Variants in SORCS1 observed in about 807,000 individuals in gnomAD.
SORCS1 encodes sortilin related VPS10 domain containing receptor 1.
Under a neutral mutation model 146.1 loss-of-function variants are expected in SORCS1, and 60 were observed. The observed-to-expected ratio is 0.41, with a 90% CI of 0.33 to 0.51. The LOEUF (loss-of-function observed/expected upper bound fraction) is 0.51. Among genes scored for constraint, SORCS1 ranks in the 20% least tolerant of loss-of-function variants. The pLI, the probability that SORCS1 is intolerant of heterozygous loss-of-function variation, is 0.21. For synonymous variants in SORCS1, 637 were observed against 584.0 expected, an observed-to-expected ratio of 1.09 and a Z score of -1.31; for missense variants, 1,352 against 1,487.6, an observed-to-expected ratio of 0.91 and a Z score of 1.50.
intron 24 of SORCS1, among the ~76,000 whole-genome samples, chr10:106,581,752 C>T (rs1844930146): frequency 6.6e-6 from 1 of 152,086 alleles, no homozygotes. Context: ...ATAATTTAAC[C>T]ACCTATAACT....
rs140149535 is a variant in SORCS1 at position 106,634,216 on chromosome 10, G to A, written c.2476-4828C>T. 3.9e-4 allele frequency among the ~76,000 whole-genome samples: 59 copies of A among 152,248 alleles called. No individual in the cohort carries two copies. The East Asian group carries it at 0.011, about 28-fold the overall frequency. Reference sequence around the variant, plus strand: ...AAAATGAGTTGCTGGGTGGTACTAGGGTAGACTGTGTCAACTCCGGCGGGG... The same window carrying A: ...AAAATGAGTTGCTGGGTGGTACTAGAGTAGACTGTGTCAACTCCGGCGGGG... On this transcript the variant is annotated intron_variant, in intron 18 of 25. Transcript: ENST00000263054.
At chr10:107,029,162 T>C (rs1165847575) in intron 1 of SORCS1, among the ~76,000 whole-genome samples, 1 of 152,206 alleles carries the variant, frequency 6.6e-6, no homozygotes, top group Non-Finnish European at 1.5e-5. Context: ...CAATCAATAG[T>C]TATACTTCCA....
chr10:106,713,629 G>T (rs1344858200), intron 6 of SORCS1, among the ~76,000 whole-genome samples: 1 of 152,218 alleles, frequency 6.6e-6, no homozygotes, highest in Non-Finnish European at 1.5e-5. Flanking sequence ...AGCACGTTTA[G>T]TCTTCACAAC....
chr10:106,985,788 G>C (rs1056704186), intron 1 of SORCS1, among the ~76,000 whole-genome samples: 2 of 151,804 alleles, frequency 1.3e-5, no homozygotes, highest in African/African-American at 4.8e-5. Flanking sequence ...TCCTGCCTTG[G>C]TCTCCCAAAG....
chr10:106,709,195 AC>A (rs778494009), intron 7 of SORCS1, 27 bp downstream of exon 7: 1 of 1,538,920 alleles, frequency 6.5e-7, no homozygotes, highest in Non-Finnish European at 9.0e-7. Context: ...GGTTTCTGAG[AC>A]AATCAACAGA....
intron 2 of SORCS1, among the ~76,000 whole-genome samples, chr10:106,953,327 T>A (rs1049594903): frequency 8.5e-5 from 13 of 152,308 alleles, no homozygotes; most frequent in African/African-American, 2.6e-4. Context: ...CTCCTTGGTA[T>A]ATTTAAAATC....
intron 24 of SORCS1, among the ~76,000 whole-genome samples, chr10:106,584,050 T>G (rs952293666): frequency 5.3e-5 from 8 of 152,220 alleles, no homozygotes; most frequent in Admixed American, 4.6e-4. Context: ...TTACCATACC[T>G]TGATATTCTT....
chr10:106,597,698 T>A (rs1474746902), intron 23 of SORCS1, among the ~76,000 whole-genome samples: 1 of 152,214 alleles, frequency 6.6e-6, no homozygotes, highest in East Asian at 1.9e-4. Context: ...ATAATTATAC[T>A]CTTTAAAAAT....
chr10:106,940,894 T>C (rs1300862113), intron 2 of SORCS1, among the ~76,000 whole-genome samples: 4 of 151,896 alleles, frequency 2.6e-5, no homozygotes, highest in South Asian at 2.1e-4. Context: ...CAAAAAATAA[T>C]AATAAAAAAA....
At chr10:106,815,196 A>G (rs550332173) in intron 3 of SORCS1, among the ~76,000 whole-genome samples, 2 of 152,132 alleles carry the variant, frequency 1.3e-5, no homozygotes, top group South Asian at 4.2e-4. Flanking sequence ...TGACCTCGTG[A>G]TCCACCCACC....
At chr10:106,889,278 C>A (rs1341189565) in intron 2 of SORCS1, among the ~76,000 whole-genome samples, 1 of 152,142 alleles carries the variant, frequency 6.6e-6, no homozygotes, top group African/African-American at 2.4e-5. Flanking sequence ...CCTGCCAACT[C>A]TCTTTTCAGC....
At chr10:106,778,035 G>T (rs998073569) in intron 3 of SORCS1, among the ~76,000 whole-genome samples, 6 of 152,100 alleles carry the variant, frequency 3.9e-5, no homozygotes, top group African/African-American at 1.2e-4. Context: ...AGAGCAGAGT[G>T]CCAGGCAAAC....
intron 2 of SORCS1, among the ~76,000 whole-genome samples, chr10:106,861,164 G>A (rs1450300254): frequency 2.6e-5 from 4 of 152,100 alleles, no homozygotes; most frequent in South Asian, 2.1e-4. Context: ...TTGGGAGGCC[G>A]AGGCAGGCAG....
At chr10:106,876,862 A>G (rs1263448419) in intron 2 of SORCS1, among the ~76,000 whole-genome samples, 2 of 151,416 alleles carry the variant, frequency 1.3e-5, no homozygotes, top group East Asian at 1.9e-4. Context: ...TACTACCAAC[A>G]TGAATAGCCA....
intron 1 of SORCS1, among the ~76,000 whole-genome samples, chr10:107,152,082 C>G (rs1968852410): frequency 6.6e-6 from 1 of 152,192 alleles, no homozygotes; most frequent in Non-Finnish European, 1.5e-5. Flanking sequence ...TGCTTCAGCT[C>G]CAGCTGTGGC....
At chr10:107,166,323 A>G (rs1258094144), upstream of SORCS1, among the ~76,000 whole-genome samples, 3 of 152,238 alleles carry the variant, frequency 2.0e-5, no homozygotes, top group African/African-American at 7.2e-5. Flanking sequence ...CTAATGTCCA[A>G]GAAAACGTCT....
At chr10:107,147,247 T>C (rs138582735) in intron 1 of SORCS1, among the ~76,000 whole-genome samples, 1 of 152,324 alleles carries the variant, frequency 6.6e-6, no homozygotes, top group East Asian at 1.9e-4. Flanking sequence ...CTCGTCATTT[T>C]TCAAACGTTC....
At chr10:107,028,554 C>T (rs752604133) in intron 1 of SORCS1, among the ~76,000 whole-genome samples, 6 of 152,136 alleles carry the variant, frequency 3.9e-5, no homozygotes, top group Non-Finnish European at 8.8e-5. Context: ...CATAGGTGCT[C>T]ATTAGTAAGA....
chr10:106,683,136 G>GAAACCC (rs1416755443), intron 10 of SORCS1, among the ~76,000 whole-genome samples: 1 of 152,176 alleles, frequency 6.6e-6, no homozygotes. Flanking sequence ...TGCAAACCCC[G>GAAACCC]AAACCCATAA....
Sources: gnomAD v4.1 joint callset for allele counts (sites outside exome capture counted in the v4.1 genomes callset) on GRCh38, gnomAD v4.1.1 for gene constraint, MANE v1.5 for transcripts, NCBI Gene and HGNC (gene_info 2026-07-23, HGNC 2026-07-21) for gene names.